BICD1: variants seen among roughly 807,000 people sequenced by gnomAD.
The protein encoded by BICD1 is protein bicaudal D homolog 1.
In BICD1, 35 loss-of-function variants were observed where a neutral mutation model predicts 92.5. The observed-to-expected ratio is 0.38, with a 90% CI of 0.29 to 0.50. The LOEUF (loss-of-function observed/expected upper bound fraction) is 0.50, where lower values mean the gene tolerates loss of function less well. Among genes scored for constraint, BICD1 ranks in the 20% least tolerant of loss-of-function variants. The probability of loss-of-function intolerance (pLI) is 0.93; values close to 1 mark genes in which losing one functional copy is unlikely to be tolerated. For synonymous variants in BICD1, 429 were observed against 465.1 expected (o/e 0.92, Z 1.00); for missense variants, 950 against 1,189.8 (o/e 0.80, Z 2.97).
At chr12:32,190,720 C>A (rs1022135152) in intron 1 of BICD1, among the ~76,000 whole-genome samples, 1 of 152,164 alleles carries the variant, frequency 6.6e-6, no homozygotes, top group Non-Finnish European at 1.5e-5. Context: ...GAAACAGTGG[C>A]CTGAATAACA....
chr12:32,192,430 T>TTAAATAAA (rs369679034), intron 1 of BICD1, among the ~76,000 whole-genome samples: 3,167 of 139,178 alleles, frequency 0.023, 46 homozygotes, highest in African/African-American at 0.025. Flanking sequence ...CGAGACTCTG[T>TTAAATAAA]TAAATAAATA....
chr12:32,195,524 T>C (rs1420919543), intron 1 of BICD1, among the ~76,000 whole-genome samples: 1 of 152,110 alleles, frequency 6.6e-6, no homozygotes, highest in Non-Finnish European at 1.5e-5. Context: ...GAATACACAA[T>C]GGGGAAAAGA....
At position 32,107,280 on chromosome 12, in the gene BICD1, G is replaced by C; in HGVS notation, c.-52G>C. 1 of 1,457,784 alleles carries C rather than the reference G, an allele frequency of 6.9e-7. No homozygotes were observed. Among genetic ancestry groups the C allele is most frequent in the Non-Finnish European group, 9.4e-7 (1 of 1,068,858 alleles). 90.3% of individuals were successfully genotyped at this position (1,457,784 alleles called of 1,614,324 possible). ...CCTTCTCCCTTTCCCCGCCAGCTTC[G>C]CATCCATCTCCCCCACCCCGTAACC... On this transcript the variant is annotated 5_prime_UTR_variant, in exon 1 of 10. Coordinates refer to ENST00000652176, the MANE Select transcript of BICD1 (RefSeq NM_001714.4).
At chr12:32,218,413 C>T (rs1196353416) in intron 2 of BICD1, among the ~76,000 whole-genome samples, 41 of 152,146 alleles carry the variant, frequency 2.7e-4, no homozygotes, top group Non-Finnish European at 1.0e-4. Flanking sequence ...CGAGGTAGGA[C>T]CCAATAATTT....
intron 2 of BICD1, among the ~76,000 whole-genome samples, chr12:32,255,592 A>G (rs1194946398): frequency 6.6e-6 from 1 of 152,246 alleles, no homozygotes; most frequent in Non-Finnish European, 1.5e-5. Context: ...CAAAGTTTCT[A>G]CCATGTTCTG....
At chr12:32,219,730 TA>T (rs1394058932) in intron 2 of BICD1, among the ~76,000 whole-genome samples, 2 of 152,182 alleles carry the variant, frequency 1.3e-5, no homozygotes, top group East Asian at 1.9e-4. Context: ...TGCTTAAGTA[TA>T]AAAAAACTAA....
chr12:32,305,346 C>T (rs930574361), intron 3 of BICD1, among the ~76,000 whole-genome samples: 5 of 151,752 alleles, frequency 3.3e-5, no homozygotes, highest in Non-Finnish European at 5.9e-5. Flanking sequence ...AAACAGTGCC[C>T]CCTTTTGACC....
chr12:32,300,806 A>G (rs1403449034), intron 3 of BICD1, among the ~76,000 whole-genome samples: 6 of 146,030 alleles, frequency 4.1e-5, no homozygotes, highest in African/African-American at 1.6e-4. Flanking sequence ...CACCATGCCC[A>G]GCTAAATTTT....
chr12:32,154,154 C>T (rs1943368668), intron 1 of BICD1, among the ~76,000 whole-genome samples: 1 of 152,026 alleles, frequency 6.6e-6, no homozygotes, highest in African/African-American at 2.4e-5. Context: ...TTTTGATGGA[C>T]TTCTCTAAGT....
intron 2 of BICD1, among the ~76,000 whole-genome samples, chr12:32,227,088 T>C (rs75456102): frequency 6.6e-6 from 1 of 152,130 alleles, no homozygotes; most frequent in East Asian, 1.9e-4. Flanking sequence ...AGGAGGTGGC[T>C]GGAGAGCCTC....
intron 1 of BICD1, among the ~76,000 whole-genome samples, chr12:32,137,694 C>G (rs2121343490): frequency 6.6e-6 from 1 of 152,258 alleles, no homozygotes; most frequent in South Asian, 2.1e-4. Flanking sequence ...TTGTATGGTT[C>G]CCAGCAGCAT....
intron 8 of BICD1, among the ~76,000 whole-genome samples, chr12:32,366,189 C>T (rs1939518582): frequency 6.6e-6 from 1 of 152,184 alleles, no homozygotes; most frequent in Non-Finnish European, 1.5e-5. Context: ...AGTTATGTAA[C>T]TATATAGGCA....
rs544080749 is a variant in BICD1 at position 32,343,314 on chromosome 12, TCTC to T, written c.2764+4346_2764+4348del. Among the ~76,000 whole-genome samples, 169 of 152,054 alleles carry T rather than the reference TCTC, an allele frequency of 1.1e-3. 1 individual carries two copies. The highest frequency in any genetic ancestry group is 3.4e-3 in the Middle Eastern group (1 of 294). ...CCTTAACTACCTAGGCCTATATCCT[TCTC>T]CTCCTCCTCCGTCCCCTCTTCCTCT... On this transcript the variant is annotated intron_variant, in intron 8 of 9. Coordinates refer to ENST00000652176, the MANE Select transcript of BICD1 (RefSeq NM_001714.4).
intron 2 of BICD1, 38 bp downstream of exon 2, chr12:32,216,497 G>T: frequency 1.3e-6 from 2 of 1,588,788 alleles, no homozygotes; most frequent in Non-Finnish European, 1.7e-6. Context: ...TTTGTGAGAG[G>T]GAGAAATAAG....
rs777213398 is a variant in BICD1, at chr12:32,107,329, G to C, written c.-3G>C. ...CCCCCTCCTGCCTCCATCCACCGGG[G>C]CTATGGCCGCAGAAGAGGTATTGCA... On this transcript the variant is annotated 5_prime_UTR_variant, in exon 1 of 10. Coordinates refer to ENST00000652176, the MANE Select transcript of BICD1 (RefSeq NM_001714.4). 1.3e-6 allele frequency: 2 copies of C among 1,596,770 alleles called. No individual in the cohort carries two copies. Among genetic ancestry groups the C allele is most frequent in the South Asian group, 2.3e-5 (2 of 87,844 alleles).
chr12:32,245,891 G>C (rs1180019366), intron 2 of BICD1, among the ~76,000 whole-genome samples: 1 of 151,516 alleles, frequency 6.6e-6, no homozygotes, highest in Non-Finnish European at 1.5e-5. Context: ...TTAGCCAGGT[G>C]TGGTGGCGCA....
At chr12:32,210,323 T>G (rs1205955111) in intron 1 of BICD1, among the ~76,000 whole-genome samples, 1 of 152,178 alleles carries the variant, frequency 6.6e-6, no homozygotes, top group Non-Finnish European at 1.5e-5. Context: ...CTGCCACAGT[T>G]TTTGAGATGA....
chr12:32,131,291 G>T (rs144157046), intron 1 of BICD1, among the ~76,000 whole-genome samples: 3 of 151,974 alleles, frequency 2.0e-5, no homozygotes, highest in African/African-American at 7.3e-5. Context: ...TTTTTCTGTT[G>T]CCGTATATTT....
chr12:32,306,515 T>C (rs183051484), intron 4 of BICD1, among the ~76,000 whole-genome samples: 11 of 151,664 alleles, frequency 7.3e-5, no homozygotes, highest in Non-Finnish European at 1.3e-4. Flanking sequence ...AGTGCTGGGA[T>C]TACAGGCGTG....
Sources: gnomAD v4.1 joint callset for allele counts (sites outside exome capture counted in the v4.1 genomes callset) on GRCh38, gnomAD v4.1.1 for gene constraint, MANE v1.5 for transcripts, NCBI Gene and HGNC (gene_info 2026-07-23, HGNC 2026-07-21) for gene names.